PRKAG2: variants seen among roughly 807,000 people sequenced by gnomAD.
The protein encoded by PRKAG2 is 5'-AMP-activated protein kinase subunit gamma-2.
A neutral mutation model predicts 69.6 loss-of-function variants in PRKAG2; 26 were observed. The ratio of observed to expected loss-of-function variants is 0.37; its 90% CI spans 0.27 to 0.52. PRKAG2 has a LOEUF of 0.52. Ranked by LOEUF, PRKAG2 falls within the 20% of genes least tolerant of loss-of-function variation. The pLI is 0.90. For synonymous variants in PRKAG2, 293 were observed against 285.0 expected (o/e 1.03, Z -0.28); for missense variants, 557 against 740.0 (o/e 0.75, Z 2.87).
intron 3 of PRKAG2, among the ~76,000 whole-genome samples, chr7:151,683,833 C>T (rs769770305): frequency 2.0e-5 from 3 of 152,056 alleles, no homozygotes; most frequent in Non-Finnish European, 4.4e-5. Flanking sequence ...CTGGGCGGCG[C>T]GAGACCCTGT....
At chr7:151,569,766 C>T (rs1264888879) in intron 10 of PRKAG2, among the ~76,000 whole-genome samples, 4 of 152,224 alleles carry the variant, frequency 2.6e-5, no homozygotes, top group Non-Finnish European at 5.9e-5. Context: ...GCTCTCACCA[C>T]ATCTGAACCG....
chr7:151,595,406 T>C lies in PRKAG2; in HGVS notation c.803A>G (p.His268Arg). The change falls in exon 6 of 16, where the codon CAC becomes CGC. Residue 268 changes from histidine to arginine, a missense_variant. His to Arg is a conservative substitution (Grantham distance 29, BLOSUM62 0). Transcript: ENST00000287878. ...GGTTGGAACGATGTCATAACACTTG[T>C]GTGACCTCATGAATCGCATGTAAAC... Reference protein sequence around the residue: ...SGVYMRFMRSHKCYDIVPTSS... With the variant: ...SGVYMRFMRSRKCYDIVPTSS... 1 of 1,614,118 alleles carries C rather than the reference T, an allele frequency of 6.2e-7. No homozygotes were observed. Among genetic ancestry groups the C allele is most frequent in the Non-Finnish European group, 8.5e-7 (1 of 1,180,004 alleles).
At chr7:151,766,873 T>C (rs145991417) in intron 3 of PRKAG2, among the ~76,000 whole-genome samples, 2 of 152,334 alleles carry the variant, frequency 1.3e-5, no homozygotes, top group Admixed American at 1.3e-4. Context: ...GCAGGACATA[T>C]CCATTCCTTG....
intron 3 of PRKAG2, among the ~76,000 whole-genome samples, chr7:151,715,247 CTCAGG>C (rs765601615): frequency 8.1e-4 from 113 of 138,740 alleles, no homozygotes; most frequent in Non-Finnish European, 1.2e-3. Flanking sequence ...AACTCCTAAC[CTCAGG>C]TGAGCCACCC....
intron 1 of PRKAG2, among the ~76,000 whole-genome samples, chr7:151,859,117 T>C (rs2079854171): frequency 6.6e-6 from 1 of 152,140 alleles, no homozygotes; most frequent in Non-Finnish European, 1.5e-5. Flanking sequence ...ACAGAACAGA[T>C]TCAGGAAAAA....
intron 3 of PRKAG2, among the ~76,000 whole-genome samples, chr7:151,728,247 A>G (rs1304349608): frequency 1.3e-5 from 2 of 152,168 alleles, no homozygotes; most frequent in Non-Finnish European, 2.9e-5. Context: ...ATTTACGCTG[A>G]GAGCACCTGG....
chr7:151,840,347 C>T (rs9648726), intron 1 of PRKAG2, among the ~76,000 whole-genome samples: 66,061 of 151,908 alleles, frequency 0.43, 14,500 homozygotes, highest in Middle Eastern at 0.53. Context: ...GGCCCAGCAG[C>T]CCAGCTGCAA....
chr7:151,558,055 G>GATTGGCAATCT, intron 15 of PRKAG2: 1 of 985,372 alleles, frequency 1.0e-6, no homozygotes, highest in East Asian at 1.1e-4. Flanking sequence ...CCCTGAAAGA[G>GATTGGCAATCT]ATCGGCAATC....
chr7:151,563,987 T>C (rs1032280682), intron 14 of PRKAG2, 91 bp downstream of exon 14: 87 of 1,582,942 alleles, frequency 5.5e-5, no homozygotes, highest in Middle Eastern at 2.1e-4. Context: ...GCTGGGCCCT[T>C]CCTGAGATTC....
chr7:151,766,327 G>A (rs1049799133), intron 3 of PRKAG2, among the ~76,000 whole-genome samples: 8 of 152,206 alleles, frequency 5.3e-5, no homozygotes, highest in African/African-American at 1.9e-4. Flanking sequence ...AAGTGAGGTG[G>A]GGGAGAAACT....
At chr7:151,582,225 C>G (rs1585036252) in intron 6 of PRKAG2, among the ~76,000 whole-genome samples, 1 of 152,340 alleles carries the variant, frequency 6.6e-6, no homozygotes, top group South Asian at 2.1e-4. Flanking sequence ...ACATGGCTCA[C>G]TGCAGTCTCA....
intron 3 of PRKAG2, among the ~76,000 whole-genome samples, chr7:151,748,198 G>C (rs550661354): frequency 3.7e-4 from 56 of 152,220 alleles, no homozygotes; most frequent in African/African-American, 1.3e-3. Context: ...TGGGATTACA[G>C]GCGTGAGTCA....
chr7:151,709,768 T>C (rs569786618), intron 3 of PRKAG2, among the ~76,000 whole-genome samples: 23 of 152,308 alleles, frequency 1.5e-4, no homozygotes, highest in Middle Eastern at 3.4e-3. Flanking sequence ...GGATGTTTCT[T>C]ACACTGTGAC....
chr7:151,815,045 A>C (rs1013070647), intron 1 of PRKAG2, among the ~76,000 whole-genome samples: 2 of 152,192 alleles, frequency 1.3e-5, no homozygotes, highest in Non-Finnish European at 2.9e-5. Flanking sequence ...AACTTCAGGC[A>C]AAGGCTTCAG....
intron 1 of PRKAG2, among the ~76,000 whole-genome samples, chr7:151,817,004 G>A (rs1007199842): frequency 2.6e-5 from 4 of 152,148 alleles, no homozygotes; most frequent in South Asian, 2.1e-4. Flanking sequence ...GCAATTCCAC[G>A]TCTCAGGGAC....
intron 14 of PRKAG2, among the ~76,000 whole-genome samples, chr7:151,561,557 T>G (rs183327011): frequency 1.5e-4 from 23 of 152,396 alleles, no homozygotes; most frequent in Admixed American, 1.4e-3. Flanking sequence ...AAATCTCTGA[T>G]GAGTGACGGC....
In PRKAG2 at chr7:151,632,116, C is replaced by A; in HGVS notation, c.707G>T (p.Gly236Val). ...CTCCAGCATGCCGGCTTCCGCGGGT[C>A]CCAGGGCCGCCGCCAGCGCCGCCTG... Reference protein sequence around the residue: ...SKAAALAAALGPAEAGMLEKL... With the variant: ...SKAAALAAALVPAEAGMLEKL... Residue 236 changes from glycine to valine, a missense_variant, in exon 5 of 16, where the codon GGA (glycine) becomes GTA (valine). Gly to Val is a moderately radical substitution (Grantham distance 109). Transcript: ENST00000287878. This position sits in a 1 kb window ranked among gnomAD's most constrained non-coding sequence, Gnocchi z 4.2. The A allele has an allele frequency of 7.1e-7, 1 of 1,409,852 alleles. No individual in the cohort carries two copies. Among genetic ancestry groups the A allele is most frequent in the Non-Finnish European group, 9.4e-7 (1 of 1,068,082 alleles). The allele number at this position is 1,409,852 out of a possible 1,614,324, so 87.3% of individuals were successfully genotyped here. A position where few individuals can be genotyped will look rare whatever the true frequency, so the allele number is the denominator to read the frequency against.
intron 3 of PRKAG2, among the ~76,000 whole-genome samples, chr7:151,703,512 G>A (rs1257123769): frequency 1.6e-5 from 2 of 123,510 alleles, no homozygotes; most frequent in African/African-American, 3.7e-5. Context: ...TTTAAAAAAT[G>A]TTTTATGGAG....
chr7:151,859,009 G>C (rs922615900), intron 1 of PRKAG2, among the ~76,000 whole-genome samples: 1 of 152,178 alleles, frequency 6.6e-6, no homozygotes, highest in Non-Finnish European at 1.5e-5. Flanking sequence ...GTGACTCAAG[G>C]GGAGTTTTCA....
Sources: gnomAD v4.1 joint callset for allele counts (sites outside exome capture counted in the v4.1 genomes callset) on GRCh38, gnomAD v4.1.1 for gene constraint, Gnocchi (gnomAD v3.1) non-coding constraint, MANE v1.5 for transcripts, NCBI Gene and HGNC (gene_info 2026-07-23, HGNC 2026-07-21) for gene names.